The following RYR2 variants were observed in gnomAD, a reference collection of about 807,000 sequenced individuals.
RYR2 encodes the protein cardiac muscle ryanodine receptor-calcium release channel.
In RYR2, 227 loss-of-function variants were observed where a neutral mutation model predicts 601.1. The ratio of observed to expected loss-of-function variants is 0.38; its 90% CI spans 0.34 to 0.42. RYR2 has a LOEUF of 0.42. Among genes scored for constraint, RYR2 ranks in the 10% least tolerant of loss-of-function variants. The probability of loss-of-function intolerance (pLI) is 1.00; values close to 1 mark genes in which losing one functional copy is unlikely to be tolerated. For synonymous variants in RYR2, 2,223 were observed against 2,175.1 expected, an observed-to-expected ratio of 1.02 and a Z score of -0.61; for missense variants, 4,646 against 6,156.5, an observed-to-expected ratio of 0.75 and a Z score of 8.21.
At chr1:237,062,496 T>C (rs990681604) in intron 1 of RYR2, among the ~76,000 whole-genome samples, 2 of 152,348 alleles carry the variant, frequency 1.3e-5, no homozygotes, top group East Asian at 3.9e-4. Flanking sequence ...TGTTTATTGA[T>C]GTCAATGCAA....
intron 25 of RYR2, among the ~76,000 whole-genome samples, chr1:237,534,383 A>C (rs1204096045): frequency 6.6e-6 from 1 of 152,074 alleles, no homozygotes; most frequent in Non-Finnish European, 1.5e-5. Context: ...TGATAGACCT[A>C]ACACAAATCT....
intron 56 of RYR2, among the ~76,000 whole-genome samples, chr1:237,664,533 A>G (rs986145787): frequency 6.6e-6 from 1 of 152,130 alleles, no homozygotes; most frequent in African/African-American, 2.4e-5. Flanking sequence ...AGAATGAGGA[A>G]CCAAGTGAGA....
chr1:237,164,577 T>A (rs1676434346), intron 1 of RYR2, among the ~76,000 whole-genome samples: 1 of 152,080 alleles, frequency 6.6e-6, no homozygotes, highest in African/African-American at 2.4e-5. Flanking sequence ...GGCCAGGCAG[T>A]AGGGGCTGGC....
At chr1:237,233,488 A>G (rs10802593) in intron 1 of RYR2, among the ~76,000 whole-genome samples, 7,202 of 151,766 alleles carry the variant, frequency 0.047, 430 homozygotes, top group East Asian at 0.23. Flanking sequence ...CAGCAATTTT[A>G]TATTAGTTCT....
Position 237,784,817 on chromosome 1 carries a change from C to T in RYR2, c.13105C>T (p.Leu4369=). The part of the protein sequence containing the change: ...PSEDLTDLKE[L]TEESDLLSDI... ...CGAGGATCTGACCGACTTAAAGGAG[C>T]TGACAGAGGAAAGTGACCTTCTTTC... Residue 4369 remains leucine, a synonymous_variant, in exon 90 of 105, where the codon CTG becomes TTG. Coordinates refer to ENST00000366574, the MANE Select transcript of RYR2 (RefSeq NM_001035.3). This position sits in a 1 kb window ranked among gnomAD's most constrained non-coding sequence, Gnocchi z 7.1. The T allele has an allele frequency of 6.2e-7, 1 of 1,613,516 alleles. No individual in the cohort carries two copies. Among genetic ancestry groups the T allele is most frequent in the Non-Finnish European group, 8.5e-7 (1 of 1,179,586 alleles).
intron 97 of RYR2, among the ~76,000 whole-genome samples, chr1:237,801,177 A>AAGTT (rs3999764): frequency 0.35 from 53,771 of 151,788 alleles, 10,269 homozygotes; most frequent in East Asian, 0.64. Context: ...GTGCATATGA[A>AAGTT]AGTGAGGAAA....
intron 1 of RYR2, among the ~76,000 whole-genome samples, chr1:237,070,683 G>T (rs75983059): frequency 0.017 from 2,551 of 152,340 alleles, 68 homozygotes; most frequent in African/African-American, 0.058. Context: ...AGGGTTGTGT[G>T]AGCAAGTGAG....
rs10567644 is a variant in RYR2, at chr1:237,383,417, G to GTTT, written c.577-3836_577-3834dup. Among the ~76,000 whole-genome samples the GTTT allele has an allele frequency of 2.3e-3, 115 of 50,582 alleles. 25 individuals carry two copies. Among genetic ancestry groups the GTTT allele is most frequent in the African/African-American group, 2.7e-3 (36 of 13,568 alleles). The allele number at this position is 50,582 out of a possible 152,430, so 33.2% of individuals were successfully genotyped here. ...TTTACATTTTCTTTTCTTTTTTCTT[G>GTTT]TTTTTTTTTTTTTTTTTTTTTTTTT... On this transcript the variant is annotated intron_variant, in intron 8 of 104. Transcript: ENST00000366574.
At chr1:237,615,569 A>G (rs1678372968) in intron 37 of RYR2, among the ~76,000 whole-genome samples, 1 of 151,962 alleles carries the variant, frequency 6.6e-6, no homozygotes, top group African/African-American at 2.4e-5. Context: ...TCCTTTATTA[A>G]TGTCTCCTCT....
intron 43 of RYR2, 104 bp from the exon 44 acceptor site, chr1:237,634,785 G>GCTCATACAATGTA: frequency 1.3e-6 from 1 of 790,404 alleles, no homozygotes; most frequent in East Asian, 2.7e-5. Flanking sequence ...AATACACTAT[G>GCTCATACAATGTA]GATGGTGTTT....
chr1:237,753,006 A>T (rs1350296219), intron 80 of RYR2, among the ~76,000 whole-genome samples: 1 of 152,208 alleles, frequency 6.6e-6, no homozygotes, highest in Non-Finnish European at 1.5e-5. Flanking sequence ...AAGAACACAA[A>T]GTAGATGGGC....
intron 70 of RYR2, among the ~76,000 whole-genome samples, chr1:237,711,395 C>CGGAAACATAGTTCTATGTT (rs1688828486): frequency 6.6e-6 from 1 of 152,090 alleles, no homozygotes; most frequent in Non-Finnish European, 1.5e-5. Context: ...TTCTATGTGT[C>CGGAAACATAGTTCTATGTT]CTCGGAAAGT....
intron 12 of RYR2, among the ~76,000 whole-genome samples, chr1:237,434,442 A>G (rs145615178): frequency 6.6e-6 from 1 of 152,352 alleles, no homozygotes; most frequent in East Asian, 1.9e-4. Context: ...ATCTTACATA[A>G]CGAAGAATGC....
chr1:237,590,471 C>G (rs1447057030), intron 30 of RYR2, among the ~76,000 whole-genome samples, 169 bp from the exon 31 acceptor site: 2 of 152,158 alleles, frequency 1.3e-5, no homozygotes, highest in African/African-American at 2.4e-5. Context: ...AAGCAGAACT[C>G]TATGACTATA....
Position 237,759,798 on chromosome 1 carries a change from A to T in RYR2, c.11348A>T (p.Glu3783Val), listed in dbSNP as rs767340572. 6.2e-7 allele frequency: 1 copy of T among 1,612,956 alleles called. No homozygotes were observed. The highest frequency in any genetic ancestry group is 1.1e-5 in the South Asian group (1 of 91,026). ...TAGAAAATGCTTGACTACCTCAAGG[A>T]GAAAAAGGATGTGGGCTTCTTTCAG... Reference protein sequence around the residue: ...VQQKMLDYLKEKKDVGFFQSL... With the variant: ...VQQKMLDYLKVKKDVGFFQSL... Residue 3783 changes from glutamate (E) to valine (V), a missense_variant, in exon 83 of 105, where the codon GAG becomes GTG. Around this residue, in one of 17 missense-constraint regions of RYR2, gnomAD observed 1,497 missense variants for 1,842.6 expected, o/e 0.81. Coordinates refer to ENST00000366574, the MANE Select transcript of RYR2 (RefSeq NM_001035.3).
chr1:237,375,272 T>C (rs1700931048), intron 7 of RYR2, among the ~76,000 whole-genome samples: 1 of 152,230 alleles, frequency 6.6e-6, no homozygotes, highest in South Asian at 2.1e-4. Flanking sequence ...TTCAGATTTG[T>C]GAAACAAAAA....
In RYR2 at chr1:237,648,591, G is replaced by A. The variant is rs1682407558; in HGVS notation, c.7490G>A (p.Arg2497Gln). Residue 2497 changes from arginine (R) to glutamine (Q), a missense_variant, in exon 49 of 105, where the codon CGG becomes CAG. Arg to Gln is a conservative substitution (Grantham distance 43). Around this residue, in one of 17 missense-constraint regions of RYR2, gnomAD observed 1,497 missense variants for 1,842.6 expected, o/e 0.81. Coordinates refer to ENST00000366574, the MANE Select transcript of RYR2 (RefSeq NM_001035.3). ...GAGGTTGGCTTTCTGCCAGATCTCC[G>A]GGCGGCTGCTTCTTTAGATACGGTG... ...LLEVGFLPDL[R>Q]AAASLDTAAL... 6 of 1,609,806 alleles carry A rather than the reference G, an allele frequency of 3.7e-6. No individual in the cohort carries two copies. Among genetic ancestry groups the A allele is most frequent in the South Asian group, 1.1e-5 (1 of 90,024 alleles).
intron 88 of RYR2, among the ~76,000 whole-genome samples, chr1:237,780,078 T>A (rs1694973211): frequency 6.6e-6 from 1 of 152,190 alleles, no homozygotes; most frequent in Non-Finnish European, 1.5e-5. Context: ...GGTACTTTAG[T>A]GGAGGGCTGG....
chr1:237,128,930 T>C (rs1671838046), intron 1 of RYR2, among the ~76,000 whole-genome samples: 1 of 152,214 alleles, frequency 6.6e-6, no homozygotes, highest in Non-Finnish European at 1.5e-5. Context: ...TTAAGGTTCT[T>C]AGCCTAAGCG....
Sources: allele counts gnomAD v4.1 joint callset (sites outside exome capture counted in the v4.1 genomes callset), GRCh38; gene constraint gnomAD v4.1.1; regional missense constraint gnomAD v4.1.1; non-coding constraint Gnocchi (gnomAD v3.1); transcripts MANE v1.5; gene names NCBI Gene and HGNC (gene_info 2026-07-23, HGNC 2026-07-21).